The following JAKMIP2 variants were observed in gnomAD, a reference collection of about 807,000 sequenced individuals.
JAKMIP2 encodes janus kinase and microtubule-interacting protein 2.
In JAKMIP2, 25 loss-of-function variants were observed where a neutral mutation model predicts 115.0. The observed-to-expected ratio is 0.22, with a 90% CI of 0.16 to 0.30. JAKMIP2 has a LOEUF of 0.30. Among genes scored for constraint, JAKMIP2 ranks in the 10% least tolerant of loss-of-function variants. JAKMIP2 has a pLI of 1.00. For missense variants in JAKMIP2, 642 were observed against 957.6 expected (o/e 0.67, Z 4.35); for synonymous variants, 334 against 343.6 (o/e 0.97, Z 0.31).
At chr5:147,775,670 C>T (rs539413141) in intron 1 of JAKMIP2, among the ~76,000 whole-genome samples, 1 of 152,146 alleles carries the variant, frequency 6.6e-6, no homozygotes, top group Admixed American at 6.5e-5. Flanking sequence ...GATGTGAATG[C>T]AATTCATTTT....
Position 147,585,919 on chromosome 5 carries a change from G to A in JAKMIP2, c.*5788C>T, listed in dbSNP as rs941988501. The A allele has an allele frequency of 1.3e-5, 2 of 151,926 alleles. No homozygotes were observed. Among genetic ancestry groups the A allele is most frequent in the South Asian group, 2.1e-4 (1 of 4,818 alleles). 9.4% of individuals were successfully genotyped at this position (151,926 alleles called of 1,614,324 possible). A position where few individuals can be genotyped will look rare whatever the true frequency, so the allele number is the denominator to read the frequency against. The stretch of plus-strand genomic sequence containing the variant: ...TAGCTAATAAAGATATGGGACTTTT[G>A]GCTAATTTTAATACTGTAGATTGTG... On this transcript the variant is annotated 3_prime_UTR_variant, in exon 22 of 22. Coordinates refer to ENST00000616793, the MANE Select transcript of JAKMIP2 (RefSeq NM_001270941.2).
At chr5:147,665,112 T>C (rs547668014) in intron 2 of JAKMIP2, among the ~76,000 whole-genome samples, 4 of 152,226 alleles carry the variant, frequency 2.6e-5, no homozygotes, top group Non-Finnish European at 5.9e-5. Context: ...GGGCATCTTC[T>C]AGATTGGGGT....
intron 15 of JAKMIP2, among the ~76,000 whole-genome samples, chr5:147,629,222 G>A (rs556148416): frequency 6.6e-6 from 1 of 152,282 alleles, no homozygotes; most frequent in South Asian, 2.1e-4. Flanking sequence ...CAATCACATA[G>A]TATCACAATA....
intron 1 of JAKMIP2, among the ~76,000 whole-genome samples, chr5:147,744,408 T>G (rs948459938): frequency 3.3e-5 from 5 of 152,164 alleles, no homozygotes; most frequent in Admixed American, 6.5e-5. Flanking sequence ...ATAAATAAAT[T>G]GCCAAAGATT....
chr5:147,667,155 T>C (rs1424764234), intron 2 of JAKMIP2, among the ~76,000 whole-genome samples: 3 of 152,038 alleles, frequency 2.0e-5, no homozygotes, highest in Non-Finnish European at 4.4e-5. Flanking sequence ...GGGGTGCGTA[T>C]GGGCCTAAAG....
rs1327791770 is a variant in JAKMIP2, at chr5:147,585,489, TTCA to T, written c.*6215_*6217del. On this transcript the variant is annotated 3_prime_UTR_variant, in exon 22 of 22. Coordinates refer to ENST00000616793, the MANE Select transcript of JAKMIP2 (RefSeq NM_001270941.2). Reference sequence around the variant, plus strand: ...TTTTATATAAACTAAAACACCAGAGTTCATCGATTCCTATATTAAATACATAAA... The same window carrying T: ...TTTTATATAAACTAAAACACCAGAGTTCGATTCCTATATTAAATACATAAA... 8.5e-5 allele frequency: 13 copies of T among 152,098 alleles called. No individual in the cohort carries two copies. The highest frequency in any genetic ancestry group is 1.9e-4 in the East Asian group (1 of 5,196). The allele number at this position is 152,098 out of a possible 1,614,324, so 9.4% of individuals were successfully genotyped here. A position where few individuals can be genotyped will look rare whatever the true frequency, so the allele number is the denominator to read the frequency against.
At chr5:147,702,933 A>T (rs2126891431) in intron 1 of JAKMIP2, among the ~76,000 whole-genome samples, 1 of 152,326 alleles carries the variant, frequency 6.6e-6, no homozygotes, top group East Asian at 1.9e-4. Context: ...TGTTTCCAAT[A>T]GGAGTTTAAC....
At position 147,590,334 on chromosome 5, in the gene JAKMIP2, C is replaced by T. The variant is rs1755050793; in HGVS notation, c.*1373G>A. On this transcript the variant is annotated 3_prime_UTR_variant, in exon 22 of 22. Coordinates refer to ENST00000616793, the MANE Select transcript of JAKMIP2 (RefSeq NM_001270941.2). ...TACAGTAAATGAGGTGTAAAATTAG[C>T]TTTTCAGGAACATACATTTGCTCTC... The T allele has an allele frequency of 1.3e-5, 2 of 152,160 alleles. No individual in the cohort carries two copies. Among genetic ancestry groups the T allele is most frequent in the Non-Finnish European group, 2.9e-5 (2 of 68,028 alleles). The allele number at this position is 152,160 out of a possible 1,614,324, so 9.4% of individuals were successfully genotyped here.
At chr5:147,717,475 T>A (rs1753054571) in intron 1 of JAKMIP2, among the ~76,000 whole-genome samples, 1 of 128,478 alleles carries the variant, frequency 7.8e-6, no homozygotes, top group Non-Finnish European at 1.6e-5. Flanking sequence ...TTCCTACCCA[T>A]GAGCATGGAA....
In JAKMIP2 at chr5:147,627,309, A is replaced by G. The variant is rs1465163370; in HGVS notation, c.1995+1442T>C. Among the ~76,000 whole-genome samples, 3 of 152,132 alleles carry G rather than the reference A, an allele frequency of 2.0e-5. No homozygotes were observed. The South Asian group carries it at 6.2e-4, about 32-fold the overall frequency. ...CTCATTATGGGGAAGTCTGATGCTC[A>G]AGATTTAGCCAGGCAGAGGTAGAAA... On this transcript the variant is annotated intron_variant, in intron 16 of 21. Coordinates refer to ENST00000616793, the MANE Select transcript of JAKMIP2 (RefSeq NM_001270941.2).
At chr5:147,768,993 C>G (rs1755250878) in intron 1 of JAKMIP2, among the ~76,000 whole-genome samples, 1 of 152,156 alleles carries the variant, frequency 6.6e-6, no homozygotes, top group Non-Finnish European at 1.5e-5. Context: ...TTTGGCTAAC[C>G]ATTTATTAGC....
At chr5:147,750,370 T>C (rs1251276859) in intron 1 of JAKMIP2, among the ~76,000 whole-genome samples, 1 of 152,106 alleles carries the variant, frequency 6.6e-6, no homozygotes, top group Non-Finnish European at 1.5e-5. Context: ...AAAGGCCCCA[T>C]GGGGAGGGTT....
chr5:147,618,155 C>T (rs754698623), intron 18 of JAKMIP2, 41 bp from the exon 19 acceptor site: 4 of 1,446,430 alleles, frequency 2.8e-6, no homozygotes, highest in Non-Finnish European at 1.9e-6. Flanking sequence ...TGGAACTTGG[C>T]ATTGATATCT....
intron 1 of JAKMIP2, among the ~76,000 whole-genome samples, chr5:147,687,814 A>G (rs902360585): frequency 6.6e-6 from 1 of 152,226 alleles, no homozygotes; most frequent in African/African-American, 2.4e-5. Context: ...CACAGTATTT[A>G]CCACTGTACA....
At position 147,598,086 on chromosome 5, in the gene JAKMIP2, C is replaced by CAATT. The variant is rs546672643; in HGVS notation, c.*20+3654_*20+3655insAATT. Among the ~76,000 whole-genome samples, 670 of 152,186 alleles carry CAATT rather than the reference C, an allele frequency of 4.4e-3. 2 individuals are homozygous for CAATT. Among genetic ancestry groups the CAATT allele is most frequent in the African/African-American group, 0.015 (620 of 41,532 alleles). ...CGATCTCAGCTCACTGCAACCTCCA[C>CAATT]CTCCCAGGTTCAAGCAATTCTCCTC... On this transcript the variant is annotated intron_variant, in intron 21 of 21. Coordinates refer to ENST00000616793, the MANE Select transcript of JAKMIP2 (RefSeq NM_001270941.2).
intron 1 of JAKMIP2, among the ~76,000 whole-genome samples, chr5:147,684,829 T>G (rs568618457): frequency 1.1e-4 from 16 of 152,310 alleles, no homozygotes; most frequent in African/African-American, 3.8e-4. Flanking sequence ...TAGGTCCTGA[T>G]AGAAATCTAT....
intron 15 of JAKMIP2, among the ~76,000 whole-genome samples, chr5:147,629,129 T>C (rs1398555686): frequency 1.3e-5 from 2 of 152,022 alleles, no homozygotes; most frequent in Non-Finnish European, 2.9e-5. Context: ...TTCATAGAAG[T>C]TTTGATGTAA....
At chr5:147,733,481 A>G (rs1288399557) in intron 1 of JAKMIP2, among the ~76,000 whole-genome samples, 1 of 152,144 alleles carries the variant, frequency 6.6e-6, no homozygotes, top group Non-Finnish European at 1.5e-5. Context: ...TTTTTTTATT[A>G]TACTTTAAGT....
At chr5:147,760,404 G>GAAAAAAAAAAAAAAAAAAAAAAA (rs71001455) in intron 1 of JAKMIP2, among the ~76,000 whole-genome samples, 1 of 135,810 alleles carries the variant, frequency 7.4e-6, no homozygotes, top group Non-Finnish European at 1.6e-5. Flanking sequence ...GGCAGTCAGT[G>GAAAAAAAAAAAAAAAAAAAAAAA]AAAAAAAAAA....
Sources: allele counts gnomAD v4.1 joint callset (sites outside exome capture counted in the v4.1 genomes callset), GRCh38; gene constraint gnomAD v4.1.1; transcripts MANE v1.5; gene names NCBI Gene and HGNC (gene_info 2026-07-23, HGNC 2026-07-21).